The following MYO19 variants were observed in gnomAD, a reference collection of about 807,000 sequenced individuals.
MYO19 encodes the protein unconventional myosin-XIX.
In MYO19, 132 loss-of-function variants were observed where a neutral mutation model predicts 129.2. The observed-to-expected ratio is 1.02, with a 90% CI of 0.89 to 1.18. MYO19 has a LOEUF of 1.18. Among genes scored for constraint, MYO19 ranks in the 50% most tolerant of loss-of-function variants. MYO19 has a pLI of 0.00. For missense variants in MYO19, 1,210 were observed against 1,216.7 expected (o/e 0.99, Z 0.08); for synonymous variants, 531 against 477.2 (o/e 1.11, Z -1.47).
At chr17:36,543,010 C>T (rs958182988) in intron 1 of MYO19, 1 of 151,986 alleles carries the variant, frequency 6.6e-6, no homozygotes, top group African/African-American at 2.4e-5. Flanking sequence ...GCCGCCGCCC[C>T]CGTCCTGGTT....
Position 36,528,087 on chromosome 17 carries a change from AC to A in MYO19, c.127del (p.Val43Ter). 3.7e-6 allele frequency: 6 copies of A among 1,613,796 alleles called. No individual in the cohort carries two copies. The highest frequency in any genetic ancestry group is 3.4e-6 in the Non-Finnish European group (4 of 1,179,762). On this transcript the variant is annotated frameshift_variant, in exon 4 of 26. Transcript: ENST00000614623. LOFTEE classifies it high-confidence loss of function. ...LLYKLDDLTR[V>X]NPVTLETVLR... Reference sequence around the variant, plus strand: ...ACCTGTCTCTAGTGTCACAGGATTCACCCTGGTGAGGTCATCCAGTTTGTAC... The same window carrying A: ...ACCTGTCTCTAGTGTCACAGGATTCACCTGGTGAGGTCATCCAGTTTGTAC...
intron 6 of MYO19, among the ~76,000 whole-genome samples, chr17:36,517,154 T>A (rs2072809138): frequency 6.6e-6 from 1 of 152,252 alleles, no homozygotes; most frequent in Admixed American, 6.5e-5. Flanking sequence ...CAAAATATTA[T>A]CTTAATCTGT....
At position 36,505,333 on chromosome 17, in the gene MYO19, G is replaced by A. The variant is rs776816734; in HGVS notation, c.1869C>T (p.Asn623=). Residue 623 remains asparagine (N), a synonymous_variant, in exon 19 of 26, where the codon AAC becomes AAT. Coordinates refer to ENST00000614623, the MANE Select transcript of MYO19 (RefSeq NM_001163735.2). ...GAAAGGTCTGCGCCTGGCCCTGGCT[G>A]TTGGGCTTGATGCAGCGAATGTAGT... is the stretch of plus-strand genomic sequence containing the variant. ...TPHYIRCIKP[N]SQGQAQTFLQ... 6 of 1,614,258 alleles carry A rather than the reference G, an allele frequency of 3.7e-6. No homozygotes were observed. In the South Asian group the frequency reaches 5.5e-5, roughly 15 times the overall value.
chr17:36,524,298 T>C (rs1262879004), intron 6 of MYO19, among the ~76,000 whole-genome samples: 1 of 152,142 alleles, frequency 6.6e-6, no homozygotes, highest in African/African-American at 2.4e-5. Context: ...CATGTTGCAT[T>C]TTTCATCCCC....
chr17:36,498,551 C>T lies in MYO19; in HGVS notation c.2472G>A (p.Met824Ile), dbSNP rs368961282. The change falls in exon 25 of 26, where the codon ATG becomes ATA. Residue 824 changes from methionine to isoleucine, a missense_variant. Physicochemically the swap from Met to Ile is conservative, Grantham distance 10 (BLOSUM62 1). Coordinates refer to ENST00000614623, the MANE Select transcript of MYO19 (RefSeq NM_001163735.2). The stretch of plus-strand genomic sequence containing the variant: ...CCAGCTCTTTAGCAGCAAGGCAGGC[C>T]ATTCTGATCTTAAAAAGCAAATATC... The part of the protein sequence containing the change: ...KRAWQKWRIR[M>I]ACLAAKELDG... 24 of 1,607,380 alleles carry T rather than the reference C, an allele frequency of 1.5e-5. No individual in the cohort carries two copies. In the African/African-American group the frequency reaches 3.2e-4, roughly 22 times the overall value.
intron 20 of MYO19, 109 bp from the exon 21 acceptor site, chr17:36,503,309 C>T (rs932045545): frequency 1.9e-5 from 16 of 853,350 alleles, no homozygotes; most frequent in Admixed American, 1.0e-4. Flanking sequence ...CAACACAGCA[C>T]GGTGCTGCCC....
intron 21 of MYO19, among the ~76,000 whole-genome samples, chr17:36,502,121 A>C (rs2071574074): frequency 6.6e-6 from 1 of 152,170 alleles, no homozygotes; most frequent in Non-Finnish European, 1.5e-5. Flanking sequence ...TGGGAGGGGC[A>C]GAGGTGCTGG....
At chr17:36,537,477 A>G (rs72818370), upstream of MYO19, 89,868 of 1,613,854 alleles carry the variant, frequency 0.056, 3,175 homozygotes, top group East Asian at 0.17. Flanking sequence ...ATCAGAATAC[A>G]ATCCAGCCAT....
intron 24 of MYO19, chr17:36,498,821 A>T (rs973259517): frequency 1.7e-6 from 1 of 592,768 alleles, no homozygotes; most frequent in Non-Finnish European, 3.0e-6. Flanking sequence ...CATAAAACCC[A>T]GTCTTCTAAA....
chr17:36,510,912 C>A lies in MYO19; in HGVS notation c.991G>T (p.Val331Phe). The part of the protein sequence containing the change: ...CQPMDDAKYS[V>F]RTAASLLGLP... The stretch of plus-strand genomic sequence containing the variant: ...CCCAGCAGCGAGGCTGCCGTCCTGA[C>A]AGAGTCTGGGAGGGGCAAATCCTCT... The change falls in exon 13 of 26, where the codon GTC (valine) becomes TTC (phenylalanine). Residue 331 changes from valine to phenylalanine, a missense_variant. Physicochemically the swap from Val to Phe is conservative, Grantham distance 50. Transcript: ENST00000614623. The A allele has an allele frequency of 6.4e-7, 1 of 1,573,482 alleles. No individual in the cohort carries two copies. The highest frequency in any genetic ancestry group is 8.6e-7 in the Non-Finnish European group (1 of 1,159,028).
rs71159613 is a variant in MYO19, at chr17:36,542,698, CAA to C, written n.310+426_310+427del. Among the ~76,000 whole-genome samples the C allele has an allele frequency of 3.1e-3, 400 of 127,656 alleles. 7 individuals carry two copies. The highest frequency in any genetic ancestry group is 0.019 in the Admixed American group (248 of 13,080). 83.7% of individuals were successfully genotyped at this position (127,656 alleles called of 152,430 possible). On this transcript the variant is annotated intron_variant and non_coding_transcript_variant, in intron 1 of 2. Coordinates refer to the MYO19 transcript ENST00000610496. ...TGGGCGACAGAGTGAGACTCCGTCT[CAA>C]AAAAAAAAAAAAGGTTTAAAGTGGG...
At chr17:36,538,682 T>G, upstream of MYO19, 1 of 1,338,820 alleles carries the variant, frequency 7.5e-7, no homozygotes, top group Non-Finnish European at 1.0e-6. Flanking sequence ...TGTAAAGAAA[T>G]TGTGCTTTTG....
At chr17:36,525,117 G>A (rs886371024) in intron 6 of MYO19, 111 bp downstream of exon 6, 2 of 784,054 alleles carry the variant, frequency 2.6e-6, no homozygotes, top group Non-Finnish European at 4.4e-6. Flanking sequence ...CAGCCTATGT[G>A]GGAATGATTA....
intron 17 of MYO19, 151 bp from the exon 18 acceptor site, chr17:36,506,759 G>T: frequency 9.0e-7 from 1 of 1,116,656 alleles, no homozygotes; most frequent in Non-Finnish European, 1.2e-6. Flanking sequence ...GAGACCTGGA[G>T]ACCCAGTCTA....
In MYO19 at chr17:36,511,373, T is replaced by C. The variant is rs376233199; in HGVS notation, c.977A>G (p.Asp326Gly). ...TACACCCTGACCCTCACACTTGGCA[T>C]CATCCATCGGCTGGCAGGGCTGGGC... ...DEAQPCQPMDDAKYSVRTAAS... is the reference protein window; with the variant it reads ...DEAQPCQPMDGAKYSVRTAAS... Residue 326 changes from aspartate to glycine, a missense_variant, in exon 12 of 26, where the codon GAT becomes GGT. By Grantham distance (94) the Asp-to-Gly change is moderately conservative. Coordinates refer to ENST00000614623, the MANE Select transcript of MYO19 (RefSeq NM_001163735.2). The C allele has an allele frequency of 6.3e-7, 1 of 1,576,170 alleles. No individual in the cohort carries two copies. The highest frequency in any genetic ancestry group is 1.4e-5 in the African/African-American group (1 of 74,072).
chr17:36,507,443 G>C lies in MYO19; in HGVS notation c.1423C>G (p.Leu475Val). The change falls in exon 16 of 26, where the codon CTC becomes GTC. Residue 475 changes from leucine to valine, a missense_variant. Coordinates refer to ENST00000614623, the MANE Select transcript of MYO19 (RefSeq NM_001163735.2). ...NYQDNQPCLDLIEGSPISICS... is the reference protein window; with the variant it reads ...NYQDNQPCLDVIEGSPISICS... ...ATGCTGATGGGGCTTCCCTCAATGA[G>C]ATCCAAACAGGGCTGGTTGTCCTGG... 6.2e-7 allele frequency: 1 copy of C among 1,613,708 alleles called. No homozygotes were observed. Among genetic ancestry groups the C allele is most frequent in the Non-Finnish European group, 8.5e-7 (1 of 1,179,870 alleles).
chr17:36,497,988 C>G (rs890990479), intron 25 of MYO19: 3 of 446,814 alleles, frequency 6.7e-6, no homozygotes, highest in Non-Finnish European at 1.2e-5. Flanking sequence ...TTGCTAGAAA[C>G]GCAGCATTGC....
intron 25 of MYO19, chr17:36,497,843 C>T (rs2071141219): frequency 6.1e-6 from 1 of 164,688 alleles, no homozygotes; most frequent in African/African-American, 2.4e-5. Context: ...CCTCGACTTC[C>T]CAAAGTACTG....
Position 36,507,818 on chromosome 17 carries a change from G to C in MYO19, c.1338C>G (p.Tyr446Ter). The C allele has an allele frequency of 6.2e-7, 1 of 1,612,750 alleles. No homozygotes were observed. Among genetic ancestry groups the C allele is most frequent in the South Asian group, 1.1e-5 (1 of 90,928 alleles). The part of the protein sequence containing the change: ...EKLQQHFVAH[Y>*]LRAQQEEYAV... Reference sequence around the variant, plus strand: ...CATCCCTCACCTGCTGGGCCCTTAGGTAGTGAGCCACAAAATGCTGCTGCA... The same window carrying C: ...CATCCCTCACCTGCTGGGCCCTTAGCTAGTGAGCCACAAAATGCTGCTGCA... The change falls in exon 15 of 26, where the codon TAC becomes TAG. Residue 446 changes from tyrosine to a stop codon, truncating the protein, a stop_gained. Coordinates refer to ENST00000614623, the MANE Select transcript of MYO19 (RefSeq NM_001163735.2). LOFTEE classifies it high-confidence loss of function.
Sources: gnomAD v4.1 joint callset for allele counts (sites outside exome capture counted in the v4.1 genomes callset) on GRCh38, gnomAD v4.1.1 for gene constraint, MANE v1.5 for transcripts, NCBI Gene and HGNC (gene_info 2026-07-23, HGNC 2026-07-21) for gene names.